The following HOMER2 variants were observed in gnomAD, a reference collection of about 807,000 sequenced individuals.
The protein encoded by HOMER2 is homer protein homolog 2.
In HOMER2, 27 loss-of-function variants were observed where a neutral mutation model predicts 47.0. The ratio of observed to expected loss-of-function variants is 0.57; its 90% confidence interval spans 0.42 to 0.79. The LOEUF (loss-of-function observed/expected upper bound fraction) is 0.79, where lower values mean the gene tolerates loss of function less well. Ranked by LOEUF, HOMER2 falls within the 30% of genes least tolerant of loss-of-function variation. The probability of loss-of-function intolerance (pLI) is 0.00; values close to 1 mark genes in which losing one functional copy is unlikely to be tolerated. For missense variants in HOMER2, 443 were observed against 435.0 expected (o/e 1.02, Z -0.16); for synonymous variants, 161 against 163.8 (o/e 0.98, Z 0.13).
At chr15:82,928,372 G>A (rs1400442176) in intron 1 of HOMER2, among the ~76,000 whole-genome samples, 1 of 152,154 alleles carries the variant, frequency 6.6e-6, no homozygotes, top group Non-Finnish European at 1.5e-5. Flanking sequence ...TTAATTGCAT[G>A]GATGTAGGGG....
At chr15:82,878,906 C>T (rs911329634) in intron 2 of HOMER2, among the ~76,000 whole-genome samples, 10 of 152,212 alleles carry the variant, frequency 6.6e-5, no homozygotes, top group African/African-American at 2.4e-4. Flanking sequence ...GGATTATAGA[C>T]AGGAGCCACC....
At position 82,852,241 on chromosome 15, in the gene HOMER2, C is replaced by T; in HGVS notation, c.663G>A (p.Leu221=). ...TGTTGATCTCACTGCATTGTTCTTC[C>T]AGCTCATCAATCTTCAATACACACC... ...NDRLRNKIDE[L]EEQCSEINRE... The change falls in exon 7 of 9, where the codon CTG becomes CTA. Residue 221 remains leucine (L), a synonymous_variant. Transcript: ENST00000450735. The T allele has an allele frequency of 1.9e-6, 3 of 1,613,320 alleles. No individual in the cohort carries two copies. Among genetic ancestry groups the T allele is most frequent in the Non-Finnish European group, 2.5e-6 (3 of 1,179,406 alleles).
rs1357838734 is a variant in HOMER2 at position 82,856,493 on chromosome 15, C to T, written c.495-1693G>A. On this transcript the variant is annotated intron_variant, in intron 5 of 8. Coordinates refer to ENST00000450735, the MANE Select transcript of HOMER2 (RefSeq NM_004839.4). ...AATCAGCCAGGTGTGGTAGCGTGCA[C>T]CTGTGGTCCCAGCTACTTGGGAGGC... Among the ~76,000 whole-genome samples, 4 of 152,226 alleles carry T rather than the reference C, an allele frequency of 2.6e-5. No individual in the cohort carries two copies. In the East Asian group the frequency reaches 7.7e-4, roughly 29 times the overall value.
intron 1 of HOMER2, among the ~76,000 whole-genome samples, chr15:82,927,973 CAAAAAAAAAA>C (rs928406358): frequency 3.5e-5 from 2 of 57,328 alleles, no homozygotes; most frequent in Non-Finnish European, 8.6e-5. Context: ...AACTCCGTCT[CAAAAAAAAAA>C]AAAAAAAAAA....
In HOMER2 at chr15:82,849,542, C is replaced by T. The variant is rs1347684519; in HGVS notation, c.*173G>A. 4 of 605,086 alleles carry T rather than the reference C, an allele frequency of 6.6e-6. 1 individual carries two copies. The highest frequency in any genetic ancestry group is 6.4e-5 in the South Asian group (3 of 46,574). The allele number at this position is 605,086 out of a possible 1,614,324, so 37.5% of individuals were successfully genotyped here. On this transcript the variant is annotated 3_prime_UTR_variant, in exon 9 of 9. Coordinates refer to ENST00000450735, the MANE Select transcript of HOMER2 (RefSeq NM_004839.4). ...CCACAACCTCACAAGGCCAGAGAAG[C>T]GAGAGGAGATTTCTATTCTGAAAAG...
intron 4 of HOMER2, among the ~76,000 whole-genome samples, chr15:82,861,966 T>TGAGCAGAGGTTGCAGC (rs2051806451): frequency 6.6e-6 from 1 of 151,630 alleles, no homozygotes; most frequent in Non-Finnish European, 1.5e-5. Context: ...GAGGTTGCAG[T>TGAGCAGAGGTTGCAGC]GAGCAGAGGT....
downstream of HOMER2, chr15:82,845,038 G>T (rs1188242580): frequency 6.6e-6 from 1 of 152,204 alleles, no homozygotes; most frequent in Non-Finnish European, 1.5e-5. Flanking sequence ...CACCGTCAAA[G>T]AGAGTAGGGC....
At chr15:82,940,055 C>G (rs551681488) in intron 1 of HOMER2, among the ~76,000 whole-genome samples, 4 of 151,934 alleles carry the variant, frequency 2.6e-5, no homozygotes, top group Non-Finnish European at 5.9e-5. Flanking sequence ...CATCACACAC[C>G]GAGGCCTGTC....
intron 1 of HOMER2, among the ~76,000 whole-genome samples, chr15:82,936,328 T>C (rs1005033301): frequency 2.6e-5 from 4 of 152,238 alleles, no homozygotes; most frequent in South Asian, 4.1e-4. Flanking sequence ...GTTATTTTAT[T>C]TGTGGATCCA....
chr15:82,910,267 C>T (rs2053415198), intron 1 of HOMER2, among the ~76,000 whole-genome samples: 1 of 151,584 alleles, frequency 6.6e-6, no homozygotes, highest in Admixed American at 6.6e-5. Context: ...AAAGCCCCCA[C>T]ATTGTAAAGT....
chr15:82,876,342 A>G (rs576650150), intron 2 of HOMER2, among the ~76,000 whole-genome samples: 1 of 152,374 alleles, frequency 6.6e-6, no homozygotes, highest in East Asian at 1.9e-4. Context: ...TCATTCAAAC[A>G]TTTATTGAAC....
chr15:82,897,602 G>C (rs1249489287), intron 1 of HOMER2, among the ~76,000 whole-genome samples: 1 of 152,132 alleles, frequency 6.6e-6, no homozygotes, highest in Non-Finnish European at 1.5e-5. Context: ...GTGTAATTAA[G>C]TCACATAGGA....
chr15:82,963,274 G>A (rs989804478), intron 1 of HOMER2, among the ~76,000 whole-genome samples: 3 of 151,940 alleles, frequency 2.0e-5, no homozygotes, highest in African/African-American at 7.3e-5. Flanking sequence ...AGTTTTTGTA[G>A]ATATGGGATC....
chr15:82,903,169 C>T (rs535555902), intron 1 of HOMER2, among the ~76,000 whole-genome samples: 1 of 152,172 alleles, frequency 6.6e-6, no homozygotes, highest in Non-Finnish European at 1.5e-5. Flanking sequence ...AGGCACTTCG[C>T]AATCATCCAG....
chr15:82,930,845 A>G (rs1030257111), intron 1 of HOMER2, among the ~76,000 whole-genome samples: 2 of 152,046 alleles, frequency 1.3e-5, no homozygotes, highest in African/African-American at 2.4e-5. Flanking sequence ...GGCCAACATA[A>G]TGAAACCCCG....
chr15:82,845,530 A>T (rs1370037200), downstream of HOMER2: 1 of 152,196 alleles, frequency 6.6e-6, no homozygotes, highest in Non-Finnish European at 1.5e-5. Context: ...TAAAGCATGC[A>T]TATCTTTAAA....
intron 1 of HOMER2, among the ~76,000 whole-genome samples, chr15:82,969,521 T>G (rs1363858742): frequency 6.6e-6 from 1 of 152,212 alleles, no homozygotes; most frequent in Non-Finnish European, 1.5e-5. Context: ...AGCCTCTTTC[T>G]TCGTCCTCTA....
rs375143125 is a variant in HOMER2, at chr15:82,903,633, C to A, written c.6-10792G>T. Among the ~76,000 whole-genome samples the A allele has an allele frequency of 6.6e-5, 10 of 151,542 alleles. No individual in the cohort carries two copies. In the East Asian group the frequency reaches 2.0e-3, roughly 30 times the overall value. On this transcript the variant is annotated intron_variant, in intron 1 of 8. Transcript: ENST00000450735. ...AAACTCCTCTAAACACACACACACA[C>A]ACGGCAACAAGAGCGAAACTCCTCT...
intron 1 of HOMER2, among the ~76,000 whole-genome samples, chr15:82,931,687 A>C (rs1041437965): frequency 3.3e-5 from 5 of 152,008 alleles, no homozygotes; most frequent in East Asian, 1.9e-4. Flanking sequence ...AAATACAAAA[A>C]ATTAGTTGGG....
Sources: allele counts gnomAD v4.1 joint callset (sites outside exome capture counted in the v4.1 genomes callset), GRCh38; gene constraint gnomAD v4.1.1; transcripts MANE v1.5; gene names NCBI Gene and HGNC (gene_info 2026-07-23, HGNC 2026-07-21).